Variants in AKNA observed in about 807,000 individuals in gnomAD.
The protein encoded by AKNA is AT-hook transcription factor, also known as microtubule organization protein AKNA.
AKNA carries 67 observed loss-of-function variants against 138.8 expected under a neutral mutation model. That is an observed-to-expected ratio of 0.48 (90% CI 0.40 to 0.59). AKNA has a LOEUF of 0.59. AKNA is among the 20% of genes least tolerant of loss of function. The probability of loss-of-function intolerance (pLI) is 0.00; values close to 1 mark genes in which losing one functional copy is unlikely to be tolerated. For missense variants in AKNA, 1,813 were observed against 1,880.4 expected, an observed-to-expected ratio of 0.96 and a Z score of 0.66; for synonymous variants, 737 against 754.4, an observed-to-expected ratio of 0.98 and a Z score of 0.38.
At chr9:114,379,407 C>G (rs546008447) in intron 2 of AKNA, among the ~76,000 whole-genome samples, 1 of 152,238 alleles carries the variant, frequency 6.6e-6, no homozygotes, top group Non-Finnish European at 1.5e-5. Flanking sequence ...CAGGGGGTTA[C>G]CATGTGACCC....
At chr9:114,354,530 G>A (rs1831350705) in intron 14 of AKNA, among the ~76,000 whole-genome samples, 1 of 152,000 alleles carries the variant, frequency 6.6e-6, no homozygotes, top group South Asian at 2.1e-4. Flanking sequence ...TGGCTAACAC[G>A]GTGAAACCCC....
chr9:114,331,816 C>T, downstream of AKNA: 1 of 1,612,350 alleles, frequency 6.2e-7, no homozygotes, highest in Non-Finnish European at 8.5e-7. Flanking sequence ...TCTCCTTGCT[C>T]CCCCTGCAGC....
chr9:114,386,496 G>A (rs1350136496), intron 1 of AKNA, among the ~76,000 whole-genome samples: 1 of 152,182 alleles, frequency 6.6e-6, no homozygotes, highest in Admixed American at 6.5e-5. Context: ...GCCAGCCCTC[G>A]TTAGGGCAGC....
At chr9:114,366,530 T>A (rs1410070068) in intron 6 of AKNA, among the ~76,000 whole-genome samples, 1 of 152,148 alleles carries the variant, frequency 6.6e-6, no homozygotes, top group Non-Finnish European at 1.5e-5. Context: ...TAGTGCGTGA[T>A]GAAAATGTTC....
At position 114,359,685 on chromosome 9, in the gene AKNA, C is replaced by A. The variant is rs781693975; in HGVS notation, c.2401G>T (p.Val801Leu). 2 of 1,613,154 alleles carry A rather than the reference C, an allele frequency of 1.2e-6. No homozygotes were observed. Among genetic ancestry groups the A allele is most frequent in the Non-Finnish European group, 1.7e-6 (2 of 1,179,522 alleles). Residue 801 changes from valine to leucine, a missense_variant, in exon 11 of 22, where the codon GTG becomes TTG. By Grantham distance (32) the Val-to-Leu change is conservative. Coordinates refer to ENST00000374088, the MANE Select transcript of AKNA (RefSeq NM_001317950.2). ...TCTGCTTTCCCTGGAGTTGCAGCCA[C>A]CCCATCAACTTCCAGGGAGTCACCT... ...GGGDSLEVDG[V>L]AATPGKAEAT... is the part of the protein sequence containing the mutation.
At chr9:114,385,964 A>T (rs1834002226) in intron 1 of AKNA, among the ~76,000 whole-genome samples, 1 of 152,090 alleles carries the variant, frequency 6.6e-6, no homozygotes, top group African/African-American at 2.4e-5. Flanking sequence ...AAAATAGAGA[A>T]AGTACCACCT....
intron 21 of AKNA, among the ~76,000 whole-genome samples, chr9:114,338,657 C>T (rs558031631): frequency 1.3e-5 from 2 of 152,336 alleles, no homozygotes; most frequent in South Asian, 4.1e-4. Context: ...CCCCAAATCC[C>T]AGTCATTCTG....
chr9:114,363,245 G>C (rs1233285910), intron 7 of AKNA, among the ~76,000 whole-genome samples: 1 of 152,228 alleles, frequency 6.6e-6, no homozygotes, highest in Non-Finnish European at 1.5e-5. Context: ...TAGCAATTCT[G>C]CTAGGCTCCC....
chr9:114,346,027 G>C lies in AKNA; in HGVS notation c.3515-18C>G, dbSNP rs749585292. On this transcript the variant is annotated intron_variant, in intron 17 of 21. Coordinates refer to ENST00000374088, the MANE Select transcript of AKNA (RefSeq NM_001317950.2). ...TTCTGAACCTGGGGTAGAAAAAGTG[G>C]GGCATCAGAGGGGGCAAGGGGTGGG... is the stretch of plus-strand genomic sequence containing the variant. 3 of 1,611,334 alleles carry C rather than the reference G, an allele frequency of 1.9e-6. No homozygotes were observed. Among genetic ancestry groups the C allele is most frequent in the Admixed American group, 1.7e-5 (1 of 59,880 alleles).
rs1219993867 is a variant in AKNA at position 114,374,137 on chromosome 9, C to T, written c.1372G>A (p.Ala458Thr). The change falls in exon 4 of 22, where the codon GCT becomes ACT. Residue 458 changes from alanine to threonine, a missense_variant. Transcript: ENST00000374088. The stretch of plus-strand genomic sequence containing the variant: ...TGGTCAATGGTGTTCTCGGCCTCAG[C>T]GTACTTGGTGAGGAGCCTGTGGTAG... ...EDYHRLLTKY[A>T]EAENTIDQLR... 3.2e-6 allele frequency: 5 copies of T among 1,559,352 alleles called. No individual in the cohort carries two copies. Among genetic ancestry groups the T allele is most frequent in the African/African-American group, 2.7e-5 (2 of 73,474 alleles).
At position 114,341,628 on chromosome 9, in the gene AKNA, T is replaced by G. The variant is rs1490225646; in HGVS notation, c.3972A>C (p.Gly1324=). 6.2e-7 allele frequency: 1 copy of G among 1,612,172 alleles called. No homozygotes were observed. Among genetic ancestry groups the G allele is most frequent in the Non-Finnish European group, 8.5e-7 (1 of 1,179,404 alleles). The change falls in exon 21 of 22, where the codon GGA becomes GGC. Residue 1324 remains glycine (G), a synonymous_variant. Transcript: ENST00000374088. ...GGGGCGCTGTTGCCAGATACCACAG[T>G]CCGGGGGGTGGGCGTGGCGACGACC... ...QAGSSPRPPP[G]LWYLATAPPA... is the part of the protein sequence containing the mutation.
At chr9:114,339,944 A>G (rs1364889825) in intron 21 of AKNA, among the ~76,000 whole-genome samples, 2 of 152,128 alleles carry the variant, frequency 1.3e-5, no homozygotes, top group Non-Finnish European at 2.9e-5. Context: ...AAAAATACCA[A>G]AAAAATTAGC....
rs114451822 is a variant in AKNA at position 114,335,428 on chromosome 9, A to C, written c.*1626T>G. On this transcript the variant is annotated 3_prime_UTR_variant, in exon 22 of 22. Transcript: ENST00000374088. ...GACAATGCCCAGTGCTTAGCACCGGAATCAGGGTCTAGCAGGTGCTCCCTA... is the reference window on the plus strand; with the variant it reads ...GACAATGCCCAGTGCTTAGCACCGGCATCAGGGTCTAGCAGGTGCTCCCTA... 7,022 of 152,324 alleles carry C rather than the reference A, an allele frequency of 0.046. 612 individuals are homozygous for C. Among genetic ancestry groups the C allele is most frequent in the African/African-American group, 0.16 (6,649 of 41,520 alleles). 9.4% of individuals were successfully genotyped at this position (152,324 alleles called of 1,614,324 possible).
chr9:114,351,305 C>T (rs1487648647), intron 14 of AKNA, among the ~76,000 whole-genome samples: 1 of 152,190 alleles, frequency 6.6e-6, no homozygotes, highest in Non-Finnish European at 1.5e-5. Flanking sequence ...ACTTCCCCTG[C>T]AAAGAATTAA....
intron 1 of AKNA, among the ~76,000 whole-genome samples, chr9:114,381,734 C>T (rs1255531709): frequency 2.9e-5 from 4 of 137,832 alleles, no homozygotes; most frequent in East Asian, 2.4e-4. Context: ...AATCTCGGCT[C>T]ACTGCAACCT....
At chr9:114,342,891 C>A (rs976867884) in intron 19 of AKNA, among the ~76,000 whole-genome samples, 1 of 152,050 alleles carries the variant, frequency 6.6e-6, no homozygotes, top group Non-Finnish European at 1.5e-5. Context: ...TGAATGCATG[C>A]AGGCATGAAC....
chr9:114,391,260 G>T (rs781645779), upstream of AKNA, among the ~76,000 whole-genome samples: 1 of 152,204 alleles, frequency 6.6e-6, no homozygotes, highest in Admixed American at 6.5e-5. Context: ...ATTGCAGCCC[G>T]CAGAGATAAT....
chr9:114,390,249 G>C (rs1469852907), upstream of AKNA, among the ~76,000 whole-genome samples: 3 of 151,784 alleles, frequency 2.0e-5, no homozygotes, highest in Non-Finnish European at 4.4e-5. Context: ...CCCTGCCTTT[G>C]CTCATGCACT....
upstream of AKNA, among the ~76,000 whole-genome samples, chr9:114,388,515 T>C (rs1017596913): frequency 6.6e-6 from 1 of 152,156 alleles, no homozygotes; most frequent in African/African-American, 2.4e-5. Context: ...CAACCCACCG[T>C]CCTCACCCCG....
Sources: gnomAD v4.1 joint callset for allele counts (sites outside exome capture counted in the v4.1 genomes callset) on GRCh38, gnomAD v4.1.1 for gene constraint, MANE v1.5 for transcripts, NCBI Gene and HGNC (gene_info 2026-07-23, HGNC 2026-07-21) for gene names.